The following PTPN21 variants were observed in gnomAD, a reference collection of about 807,000 sequenced individuals.
The protein encoded by PTPN21 is tyrosine-protein phosphatase non-receptor type 21.
Under a neutral mutation model 131.8 loss-of-function variants are expected in PTPN21, and 77 were observed. The observed-to-expected ratio is 0.58, with a 90% confidence interval of 0.49 to 0.71. The LOEUF (loss-of-function observed/expected upper bound fraction) is 0.71. PTPN21 is among the 30% of genes least tolerant of loss of function. PTPN21 has a pLI of 0.00. For synonymous variants in PTPN21, 715 were observed against 621.3 expected, an observed-to-expected ratio of 1.15 and a Z score of -2.24; for missense variants, 1,552 against 1,527.1, an observed-to-expected ratio of 1.02 and a Z score of -0.27.
At chr14:88,531,195 T>A (rs2078551345) in intron 2 of PTPN21, among the ~76,000 whole-genome samples, 1 of 152,130 alleles carries the variant, frequency 6.6e-6, no homozygotes, top group Non-Finnish European at 1.5e-5. Context: ...TAATTTTGAA[T>A]CAACAACAAA....
intron 12 of PTPN21, among the ~76,000 whole-genome samples, chr14:88,481,879 T>C (rs1276369780): frequency 6.6e-6 from 1 of 152,132 alleles, no homozygotes; most frequent in Non-Finnish European, 1.5e-5. Flanking sequence ...CGACTAGTAA[T>C]GGTCAAGGGA....
In PTPN21 at chr14:88,469,532, G is replaced by A; in HGVS notation, c.3202C>T (p.His1068Tyr). Residue 1068 changes from histidine (H) to tyrosine (Y), a missense_variant, in exon 17 of 19, where the codon CAT becomes TAT. Transcript: ENST00000556564. The surrounding 1 kb of genome is among the most constrained non-coding windows in gnomAD (Gnocchi z 4.3). ...CCCTTGAGGTCTTCTGGACAGCCAT[G>A]TTCAGGCCAGTCTGTGTATTGGAGG... is the stretch of plus-strand genomic sequence containing the variant. ...WHLQYTDWPE[H>Y]GCPEDLKGFL... 6.2e-7 allele frequency: 1 copy of A among 1,614,160 alleles called. No homozygotes were observed. The highest frequency in any genetic ancestry group is 8.5e-7 in the Non-Finnish European group (1 of 1,179,998).
intron 4 of PTPN21, among the ~76,000 whole-genome samples, chr14:88,507,426 G>A (rs1388710161): frequency 2.6e-5 from 4 of 152,190 alleles, no homozygotes; most frequent in Middle Eastern, 3.4e-3. Context: ...ATATTGTATA[G>A]CCTACTACAC....
chr14:88,485,239 T>G (rs2077715534), intron 11 of PTPN21, 79 bp from the exon 12 acceptor site: 2 of 889,126 alleles, frequency 2.2e-6, no homozygotes, highest in Non-Finnish European at 3.3e-6. Flanking sequence ...CACTGGATTC[T>G]TTCTGTTAAA....
At chr14:88,529,354 G>A (rs2078522594) in intron 2 of PTPN21, among the ~76,000 whole-genome samples, 1 of 152,044 alleles carries the variant, frequency 6.6e-6, no homozygotes, top group Admixed American at 6.6e-5. Context: ...TTGATATGGT[G>A]TTAGATTCAA....
intron 3 of PTPN21, among the ~76,000 whole-genome samples, chr14:88,509,627 G>T (rs776332524): frequency 1.3e-5 from 2 of 152,210 alleles, no homozygotes; most frequent in Non-Finnish European, 2.9e-5. Context: ...TTTTCTATAT[G>T]GCAGCTCCTT....
At chr14:88,511,687 A>C (rs1159978978) in intron 3 of PTPN21, among the ~76,000 whole-genome samples, 1 of 152,184 alleles carries the variant, frequency 6.6e-6, no homozygotes, top group Non-Finnish European at 1.5e-5. Flanking sequence ...GAAAAAAACA[A>C]AGCAGTAATA....
intron 12 of PTPN21, among the ~76,000 whole-genome samples, chr14:88,484,193 G>A (rs2077696857): frequency 6.7e-6 from 1 of 150,224 alleles, no homozygotes; most frequent in African/African-American, 2.5e-5. Flanking sequence ...GACTGGAGGT[G>A]CATACCACTA....
intron 3 of PTPN21, among the ~76,000 whole-genome samples, chr14:88,516,641 C>A (rs1047184094): frequency 6.6e-6 from 1 of 152,168 alleles, no homozygotes; most frequent in African/African-American, 2.4e-5. Context: ...ACTTCCCTCC[C>A]TCTCCTCTGT....
At chr14:88,531,218 TTAAAAATTCTTTGAACTGAATGATAA>T (rs2078551678) in intron 2 of PTPN21, among the ~76,000 whole-genome samples, 1 of 152,164 alleles carries the variant, frequency 6.6e-6, no homozygotes, top group African/African-American at 2.4e-5. Context: ...AAAGACAAAT[TTAAAAATTCTTTGAACTGAATGATAA>T]TAGTGACACA....
chr14:88,520,006 T>A (rs2078365808), intron 2 of PTPN21, among the ~76,000 whole-genome samples: 1 of 152,204 alleles, frequency 6.6e-6, no homozygotes, highest in African/African-American at 2.4e-5. Flanking sequence ...CTAGAGGGTT[T>A]CTTGGGCCCT....
intron 10 of PTPN21, among the ~76,000 whole-genome samples, chr14:88,489,184 G>A (rs73315940): frequency 0.037 from 5,623 of 152,270 alleles, 352 homozygotes; most frequent in African/African-American, 0.13. Context: ...GAGCAAATGA[G>A]TGACTAACAA....
At chr14:88,522,143 T>C (rs1335890607) in intron 2 of PTPN21, among the ~76,000 whole-genome samples, 1 of 152,076 alleles carries the variant, frequency 6.6e-6, no homozygotes, top group Admixed American at 6.6e-5. Context: ...ATGGTGGGCT[T>C]AGGCCGGGCG....
rs561957319 is a variant in PTPN21 at position 88,479,924 on chromosome 14, G to C, written c.1507C>G (p.Pro503Ala). The change falls in exon 13 of 19, where the codon CCC (proline) becomes GCC (alanine). Residue 503 changes from proline to alanine, a missense_variant. By Grantham distance (27) the Pro-to-Ala change is conservative. Transcript: ENST00000556564. ...QPEIREHAQL[P>A]SPAAAHCPFS... ...GGGCAGTGTGCGGCCGCTGGCGAGGGGAGCTGTGCGTGCTCGCGGATCTCG... is the reference window on the plus strand; with the variant it reads ...GGGCAGTGTGCGGCCGCTGGCGAGGCGAGCTGTGCGTGCTCGCGGATCTCG... 1.9e-6 allele frequency: 3 copies of C among 1,604,012 alleles called. No individual in the cohort carries two copies. Among genetic ancestry groups the C allele is most frequent in the Middle Eastern group, 3.3e-4 (2 of 6,052 alleles).
At chr14:88,494,622 G>T (rs1436498325) in intron 10 of PTPN21, among the ~76,000 whole-genome samples, 1 of 152,026 alleles carries the variant, frequency 6.6e-6, no homozygotes, top group Non-Finnish European at 1.5e-5. Flanking sequence ...CCATGATCAT[G>T]CCACTGTACT....
At chr14:88,527,023 T>C (rs759663433) in intron 2 of PTPN21, among the ~76,000 whole-genome samples, 3 of 152,216 alleles carry the variant, frequency 2.0e-5, no homozygotes, top group Non-Finnish European at 4.4e-5. Flanking sequence ...TGCGTGTTTG[T>C]GTGTGTCACA....
At chr14:88,542,779 G>T (rs538109828) in intron 2 of PTPN21, among the ~76,000 whole-genome samples, 43 of 152,194 alleles carry the variant, frequency 2.8e-4, no homozygotes, top group African/African-American at 1.0e-3. Flanking sequence ...ATTTATAATT[G>T]GTGTTAGACT....
intron 12 of PTPN21, among the ~76,000 whole-genome samples, chr14:88,481,777 C>T (rs1328654192): frequency 1.3e-5 from 2 of 152,094 alleles, no homozygotes; most frequent in African/African-American, 2.4e-5. Context: ...GTGGGGTGGG[C>T]GTGTCCAGCT....
chr14:88,504,405 G>A lies in PTPN21; in HGVS notation c.587+20C>T, dbSNP rs1225630117. 3 of 1,531,276 alleles carry A rather than the reference G, an allele frequency of 2.0e-6. No individual in the cohort carries two copies. Among genetic ancestry groups the A allele is most frequent in the Non-Finnish European group, 2.7e-6 (3 of 1,105,056 alleles). The allele number at this position is 1,531,276 out of a possible 1,614,324, so 94.9% of individuals were successfully genotyped here. On this transcript the variant is annotated intron_variant, in intron 6 of 18. Coordinates refer to ENST00000556564, the MANE Select transcript of PTPN21 (RefSeq NM_007039.4). ...GACATTGGTTCTATGCTATTTCCAT[G>A]TCTTATTTCTTAGAGTTACCTGTAT...
Sources: gnomAD v4.1 joint callset for allele counts (sites outside exome capture counted in the v4.1 genomes callset) on GRCh38, gnomAD v4.1.1 for gene constraint, Gnocchi (gnomAD v3.1) non-coding constraint, MANE v1.5 for transcripts, NCBI Gene and HGNC (gene_info 2026-07-23, HGNC 2026-07-21) for gene names.